The following COL28A1 variants were observed in gnomAD, a reference collection of about 807,000 sequenced individuals.
COL28A1 encodes collagen type XXVIII alpha 1 chain, also known as collagen alpha-1(XXVIII) chain.
A neutral mutation model predicts 150.2 loss-of-function variants in COL28A1; 161 were observed. The observed-to-expected ratio is 1.07, with a 90% confidence interval of 0.94 to 1.22. The LOEUF is 1.22. Ranked by LOEUF, COL28A1 falls within the 50% of genes most tolerant of loss-of-function variation. COL28A1 has a pLI of 0.00. For synonymous variants in COL28A1, 552 were observed against 469.7 expected, an observed-to-expected ratio of 1.18 and a Z score of -2.26; for missense variants, 1,617 against 1,388.3, an observed-to-expected ratio of 1.16 and a Z score of -2.62.
At chr7:7,436,587 G>C in intron 22 of COL28A1, 124 bp from the exon 23 acceptor site, 1 of 680,610 alleles carries the variant, frequency 1.5e-6, no homozygotes, top group Admixed American at 2.5e-5. Context: ...CCTTGAGATA[G>C]TATATTCTTC....
chr7:7,424,635 C>T (rs1784557818), intron 25 of COL28A1, among the ~76,000 whole-genome samples: 1 of 152,066 alleles, frequency 6.6e-6, no homozygotes, highest in African/African-American at 2.4e-5. Flanking sequence ...CGAGCAAATT[C>T]TAGAGTCGCC....
chr7:7,490,752 A>C, intron 11 of COL28A1, 106 bp from the exon 12 acceptor site: 1 of 577,798 alleles, frequency 1.7e-6, no homozygotes, highest in Non-Finnish European at 3.1e-6. Flanking sequence ...TCAGAGCAAC[A>C]ACAAACCTGT....
intron 3 of COL28A1, among the ~76,000 whole-genome samples, chr7:7,527,284 G>A (rs1782077785): frequency 6.6e-6 from 1 of 152,226 alleles, no homozygotes. Context: ...ACAGCAACCC[G>A]AGTAGGAAGG....
At chr7:7,541,996 T>A in the COL28A1 span, among the ~76,000 whole-genome samples, 384 of 152,208 alleles carry the variant, frequency 2.5e-3, 1 homozygote, top group African/African-American at 8.9e-3. Context: ...AATACCATGC[T>A]GCAGGGTTTG....
chr7:7,533,989 C>T (rs1031401412), intron 1 of COL28A1, among the ~76,000 whole-genome samples: 1 of 152,126 alleles, frequency 6.6e-6, no homozygotes, highest in South Asian at 2.1e-4. Context: ...AAATCATGAG[C>T]ACGATTTTTC....
Position 7,434,547 on chromosome 7 carries a change from A to T in COL28A1, c.1861-1847T>A, listed in dbSNP as rs578040858. 1.1e-4 allele frequency among the ~76,000 whole-genome samples: 16 copies of T among 152,364 alleles called. 2 individuals carry two copies. Among genetic ancestry groups the T allele is most frequent in the African/African-American group, 3.8e-4 (16 of 41,588 alleles). On this transcript the variant is annotated intron_variant, in intron 23 of 34. Coordinates refer to ENST00000399429, the MANE Select transcript of COL28A1 (RefSeq NM_001037763.3). ...TTTACTTTTCAGTTTTTATTTCTAC[A>T]GTCCAAACTTAGAACAAATTGTCAG... is the stretch of plus-strand genomic sequence containing the variant.
chr7:7,440,981 T>C, intron 20 of COL28A1, 120 bp from the exon 21 acceptor site: 1 of 546,492 alleles, frequency 1.8e-6, no homozygotes, highest in South Asian at 3.2e-5. Context: ...TGGTGTGCCC[T>C]GAGCACAGCT....
chr7:7,508,133 G>A (rs1056139860), intron 9 of COL28A1, among the ~76,000 whole-genome samples: 6 of 152,012 alleles, frequency 3.9e-5, no homozygotes, highest in Admixed American at 6.5e-5. Flanking sequence ...TGGGGAGGCT[G>A]AGGCAGGAGA....
intron 33 of COL28A1, among the ~76,000 whole-genome samples, chr7:7,365,942 T>C (rs1431568008): frequency 6.6e-6 from 1 of 152,186 alleles, no homozygotes; most frequent in Non-Finnish European, 1.5e-5. Context: ...ATTTTAAAGT[T>C]ACTGGGGCCT....
intron 11 of COL28A1, among the ~76,000 whole-genome samples, chr7:7,498,017 C>T (rs1472079086): frequency 6.6e-6 from 1 of 152,070 alleles, no homozygotes; most frequent in African/African-American, 2.4e-5. Flanking sequence ...AAAAAGACTC[C>T]ATAATAACAA....
At chr7:7,507,861 T>C (rs1780898307) in intron 9 of COL28A1, among the ~76,000 whole-genome samples, 1 of 152,240 alleles carries the variant, frequency 6.6e-6, no homozygotes, top group South Asian at 2.1e-4. Flanking sequence ...TTATTCCCAG[T>C]AGATTCCTCT....
intron 15 of COL28A1, among the ~76,000 whole-genome samples, chr7:7,473,436 T>C (rs762900274): frequency 3.4e-4 from 52 of 151,874 alleles, no homozygotes; most frequent in African/African-American, 1.2e-3. Flanking sequence ...CATGAAAAAA[T>C]GCTCAACATC....
At chr7:7,419,377 T>C (rs1784275254) in intron 26 of COL28A1, among the ~76,000 whole-genome samples, 1 of 151,982 alleles carries the variant, frequency 6.6e-6, no homozygotes, top group Non-Finnish European at 1.5e-5. Context: ...AACACTGGAT[T>C]AAAAGAATAA....
At chr7:7,428,111 T>A (rs1784745728) in intron 25 of COL28A1, among the ~76,000 whole-genome samples, 1 of 152,206 alleles carries the variant, frequency 6.6e-6, no homozygotes, top group Non-Finnish European at 1.5e-5. Context: ...TCTGGAAATA[T>A]TTAGGTAATA....
rs201535733 is a variant in COL28A1 at position 7,459,169 on chromosome 7, TA to T, written c.1303-3058del. ...TTTGCATGACCTCCAAATGTAAAAA[TA>T]ACATGCACCATGTCCCAACACCACC... is the stretch of plus-strand genomic sequence containing the variant. On this transcript the variant is annotated intron_variant, in intron 15 of 34. Transcript: ENST00000399429. 4.7e-3 allele frequency among the ~76,000 whole-genome samples: 709 copies of T among 152,308 alleles called. 5 individuals are homozygous for T. Among genetic ancestry groups the T allele is most frequent in the East Asian group, 0.022 (115 of 5,180 alleles).
chr7:7,403,445 A>T (rs1783328203), intron 27 of COL28A1, among the ~76,000 whole-genome samples: 1 of 152,180 alleles, frequency 6.6e-6, no homozygotes, highest in East Asian at 1.9e-4. Flanking sequence ...TTTTTAAATT[A>T]TAAGATGGAT....
At chr7:7,489,290 G>C in intron 13 of COL28A1, 99 bp downstream of exon 13, 1 of 745,226 alleles carries the variant, frequency 1.3e-6, no homozygotes, top group Non-Finnish European at 2.4e-6. Flanking sequence ...AAATAAAATA[G>C]ATACAAGGTG....
chr7:7,524,199 T>C, intron 4 of COL28A1, 30 bp downstream of exon 4: 2 of 1,080,600 alleles, frequency 1.9e-6, no homozygotes, highest in Non-Finnish European at 2.9e-6. Context: ...TTTGGAGTAA[T>C]TCGTAGTAAT....
At chr7:7,409,957 TA>T (rs1783691340) in intron 27 of COL28A1, among the ~76,000 whole-genome samples, 1 of 152,198 alleles carries the variant, frequency 6.6e-6, no homozygotes, top group African/African-American at 2.4e-5. Flanking sequence ...AATTGGCTAT[TA>T]AAAAGGAAAA....
Sources: gnomAD v4.1 joint callset for allele counts (sites outside exome capture counted in the v4.1 genomes callset) on GRCh38, gnomAD v4.1.1 for gene constraint, MANE v1.5 for transcripts, NCBI Gene and HGNC (gene_info 2026-07-23, HGNC 2026-07-21) for gene names.